TBC1D16: variants seen among roughly 807,000 people sequenced by gnomAD.
TBC1D16 encodes CTD-2529O21.1.
Under a neutral mutation model 74.7 loss-of-function variants are expected in TBC1D16, and 58 were observed. The observed-to-expected ratio is 0.78, with a 90% confidence interval of 0.63 to 0.97. The LOEUF (loss-of-function observed/expected upper bound fraction) is 0.97, where lower values mean the gene tolerates loss of function less well. TBC1D16 is among the 50% of genes least tolerant of loss of function. TBC1D16 has a pLI of 0.00. For missense variants in TBC1D16, 1,014 were observed against 1,079.5 expected (o/e 0.94, Z 0.85); for synonymous variants, 493 against 474.7 (o/e 1.04, Z -0.50).
At chr17:80,015,890 A>T (rs1271705696) in intron 1 of TBC1D16, among the ~76,000 whole-genome samples, 1 of 151,888 alleles carries the variant, frequency 6.6e-6, no homozygotes, top group Non-Finnish European at 1.5e-5. Flanking sequence ...ATGTGCCTGT[A>T]GTCCCAGCTA....
In TBC1D16 at chr17:79,954,135, G is replaced by C. The variant is rs185164570; in HGVS notation, c.780-1317C>G. On this transcript the variant is annotated intron_variant, in intron 3 of 11. Coordinates refer to ENST00000310924, the MANE Select transcript of TBC1D16 (RefSeq NM_019020.4). This position sits in a 1 kb window ranked among gnomAD's most constrained non-coding sequence, Gnocchi z 5.5. ...AAAACCGGAGTACAGGCAAGACTCA[G>C]CTCTGGACCCCAACTGCAGCACCCC... is the stretch of plus-strand genomic sequence containing the variant. 7.9e-4 allele frequency among the ~76,000 whole-genome samples: 121 copies of C among 152,268 alleles called. No individual in the cohort carries two copies. Among genetic ancestry groups the C allele is most frequent in the African/African-American group, 2.8e-3 (117 of 41,544 alleles).
intron 1 of TBC1D16, among the ~76,000 whole-genome samples, chr17:80,017,553 T>C (rs1168487191): frequency 6.6e-6 from 1 of 151,776 alleles, no homozygotes; most frequent in African/African-American, 2.4e-5. Context: ...TGATGGTGCA[T>C]GCCTGTGATC....
At chr17:80,023,546 C>T (rs1183495345) in intron 1 of TBC1D16, among the ~76,000 whole-genome samples, 1 of 150,208 alleles carries the variant, frequency 6.7e-6, no homozygotes, top group Non-Finnish European at 1.5e-5. Flanking sequence ...CTGAAAGAGA[C>T]GCTCAGTGCC....
In TBC1D16 at chr17:80,017,659, C is replaced by T. The variant is rs574907638; in HGVS notation, c.-62-4050G>A. Among the ~76,000 whole-genome samples, 5 of 126,338 alleles carry T rather than the reference C, an allele frequency of 4.0e-5. No individual in the cohort carries two copies. In the Admixed American group the frequency reaches 4.2e-4, roughly 11 times the overall value. 82.9% of individuals were successfully genotyped at this position (126,338 alleles called of 152,430 possible). A position where few individuals can be genotyped will look rare whatever the true frequency, so the allele number is the denominator to read the frequency against. On this transcript the variant is annotated intron_variant, in intron 1 of 11. Coordinates refer to ENST00000310924, the MANE Select transcript of TBC1D16 (RefSeq NM_019020.4). ...TCGCTCCATTGCACTCCAGCCTGGG[C>T]GACAGAGCAAGACTCCATCTCAAAA...
At chr17:79,999,974 C>T (rs1030210681) in intron 3 of TBC1D16, among the ~76,000 whole-genome samples, 1 of 152,092 alleles carries the variant, frequency 6.6e-6, no homozygotes. Context: ...CTCTAGGGGT[C>T]GACGAGGCTG....
At chr17:79,952,922 T>G in intron 3 of TBC1D16, 104 bp from the exon 4 acceptor site, 1 of 1,365,312 alleles carries the variant, frequency 7.3e-7, no homozygotes, top group Non-Finnish European at 9.9e-7. Flanking sequence ...CGCACCAAGC[T>G]TAAACACACA....
intron 3 of TBC1D16, among the ~76,000 whole-genome samples, chr17:79,960,807 A>AAAAAAAAAAAAAAAC (rs2033574287): frequency 7.1e-6 from 1 of 141,622 alleles, no homozygotes; most frequent in African/African-American, 2.7e-5. Context: ...AAAAAAAAAA[A>AAAAAAAAAAAAAAAC]AACGAAGGAA....
rs1255838267 is a variant in TBC1D16 at position 80,026,889 on chromosome 17, T to C, written c.-63+8906A>G. Among the ~76,000 whole-genome samples the C allele has an allele frequency of 2.0e-5, 3 of 149,378 alleles. 1 individual carries two copies. Among genetic ancestry groups the C allele is most frequent in the African/African-American group, 7.7e-5 (3 of 38,826 alleles). ...GAGCAAGGGGGACATCCAGGTTCCC[T>C]TCTGCGGGCCTGGGGCTCTTCCTAG... On this transcript the variant is annotated intron_variant, in intron 1 of 11. Coordinates refer to ENST00000310924, the MANE Select transcript of TBC1D16 (RefSeq NM_019020.4).
rs894257658 is a variant in TBC1D16, at chr17:79,954,680, G to A, written c.780-1862C>T. On this transcript the variant is annotated intron_variant, in intron 3 of 11. Coordinates refer to ENST00000310924, the MANE Select transcript of TBC1D16 (RefSeq NM_019020.4). This position sits in a 1 kb window ranked among gnomAD's most constrained non-coding sequence, Gnocchi z 5.5. ...GTCTGAGGCCCCACCGCACCCATGGGTGCCCCCTTCTGTCATCTGCTCATT... is the reference window on the plus strand; with the variant it reads ...GTCTGAGGCCCCACCGCACCCATGGATGCCCCCTTCTGTCATCTGCTCATT... 6.6e-6 allele frequency among the ~76,000 whole-genome samples: 1 copy of A among 152,176 alleles called. No homozygotes were observed. The highest frequency in any genetic ancestry group is 2.4e-5 in the African/African-American group (1 of 41,440).
chr17:79,966,493 G>A lies in TBC1D16; in HGVS notation c.780-13675C>T, dbSNP rs148979677. ...CTTATGTGGGTCCCTCTCTCTGGTC[G>A]GCCTGCTCTGCCTCTCTCTCTCTTC... On this transcript the variant is annotated intron_variant, in intron 3 of 11. Coordinates refer to ENST00000310924, the MANE Select transcript of TBC1D16 (RefSeq NM_019020.4). 1.9e-3 allele frequency among the ~76,000 whole-genome samples: 294 copies of A among 151,754 alleles called. 1 individual carries two copies. Among genetic ancestry groups the A allele is most frequent in the African/African-American group, 6.6e-3 (273 of 41,322 alleles).
intron 3 of TBC1D16, among the ~76,000 whole-genome samples, chr17:80,005,136 C>T (rs2035626648): frequency 6.6e-6 from 1 of 152,118 alleles, no homozygotes; most frequent in Admixed American, 6.6e-5. Context: ...CTTGAGTGCA[C>T]TGGTGCGATC....
chr17:79,978,831 G>A (rs1349444708), intron 3 of TBC1D16, among the ~76,000 whole-genome samples: 3 of 152,160 alleles, frequency 2.0e-5, no homozygotes, highest in Non-Finnish European at 2.9e-5. Flanking sequence ...GGAGGCAAAG[G>A]GACGCTGGGT....
At chr17:79,973,960 T>G (rs766730959) in intron 3 of TBC1D16, among the ~76,000 whole-genome samples, 29 of 152,234 alleles carry the variant, frequency 1.9e-4, no homozygotes, top group Admixed American at 6.5e-4. Flanking sequence ...GTTCTTTCCT[T>G]ATTCAGTTGA....
chr17:79,933,945 C>G lies in TBC1D16; in HGVS notation c.*6914G>C, dbSNP rs2031422038. On this transcript the variant is annotated 3_prime_UTR_variant, in exon 12 of 12. Transcript: ENST00000310924. ...CAGGATGCTCTCTCATAGAAGGACCCCAGAGAACTTCCCCTCTGGAGCCTG... is the reference window on the plus strand; with the variant it reads ...CAGGATGCTCTCTCATAGAAGGACCGCAGAGAACTTCCCCTCTGGAGCCTG... The G allele has an allele frequency of 6.6e-6, 1 of 152,430 alleles. No individual in the cohort carries two copies. The allele number at this position is 152,430 out of a possible 1,614,324, so 9.4% of individuals were successfully genotyped here.
At position 79,971,488 on chromosome 17, in the gene TBC1D16, G is replaced by A. The variant is rs140129039; in HGVS notation, c.780-18670C>T. ...CCTGTCCCCCAGGTCATCCTGGTCA[G>A]CAGTTGAGTGACTCTTCTTCCAAAG... On this transcript the variant is annotated intron_variant, in intron 3 of 11. Transcript: ENST00000310924. This position sits in a 1 kb window ranked among gnomAD's most constrained non-coding sequence, Gnocchi z 4.6. Among the ~76,000 whole-genome samples, 38 of 152,310 alleles carry A rather than the reference G, an allele frequency of 2.5e-4. No individual in the cohort carries two copies. In the East Asian group the frequency reaches 4.8e-3, roughly 19 times the overall value.
In TBC1D16 at chr17:79,945,095, T is replaced by A; in HGVS notation, c.1729-8A>T. On this transcript the variant is annotated splice_region_variant and splice_polypyrimidine_tract_variant and intron_variant, in intron 9 of 11. Transcript: ENST00000310924. ...CAGCTCGCGCAGGTACAGCTGGGGG[T>A]GAGGCCGTCACGCGTTAGTTAGCTC... The A allele has an allele frequency of 6.4e-7, 1 of 1,572,518 alleles. No individual in the cohort carries two copies. Among genetic ancestry groups the A allele is most frequent in the South Asian group, 1.2e-5 (1 of 85,472 alleles).
At chr17:80,027,165 T>C (rs1445950174) in intron 1 of TBC1D16, among the ~76,000 whole-genome samples, 1 of 152,128 alleles carries the variant, frequency 6.6e-6, no homozygotes, top group Non-Finnish European at 1.5e-5. Flanking sequence ...TGAAGATGGA[T>C]AGAGAAGCTG....
Position 79,987,217 on chromosome 17 carries a change from G to T in TBC1D16, c.779+22943C>A, listed in dbSNP as rs750284709. ...GCGTCTCGGTCTGGGTGGGAGCGGG[G>T]AATAAGCATTTCTTTAAGGAATTTT... On this transcript the variant is annotated intron_variant, in intron 3 of 11. Coordinates refer to ENST00000310924, the MANE Select transcript of TBC1D16 (RefSeq NM_019020.4). The surrounding 1 kb of genome is among the most constrained non-coding windows in gnomAD (Gnocchi z 5.2). Among the ~76,000 whole-genome samples the T allele has an allele frequency of 2.0e-4, 30 of 152,096 alleles. No individual in the cohort carries two copies. Among genetic ancestry groups the T allele is most frequent in the Middle Eastern group, 6.8e-3 (2 of 294 alleles).
chr17:80,029,057 A>T (rs1353171802), intron 1 of TBC1D16, among the ~76,000 whole-genome samples: 2 of 152,170 alleles, frequency 1.3e-5, no homozygotes, highest in African/African-American at 4.8e-5. Context: ...AAAACAAAAA[A>T]CTGTGCAGAA....
Sources: gnomAD v4.1 joint callset for allele counts (sites outside exome capture counted in the v4.1 genomes callset) on GRCh38, gnomAD v4.1.1 for gene constraint, Gnocchi (gnomAD v3.1) non-coding constraint, MANE v1.5 for transcripts, NCBI Gene and HGNC (gene_info 2026-07-23, HGNC 2026-07-21) for gene names.